The following TJP1 variants were observed in gnomAD, a reference collection of about 807,000 sequenced individuals.
The protein encoded by TJP1 is tight junction protein 1, also known as tight junction protein ZO-1.
In TJP1, 43 loss-of-function variants were observed where a neutral mutation model predicts 194.2. The observed-to-expected ratio is 0.22, with a 90% confidence interval of 0.17 to 0.29. TJP1 has a LOEUF of 0.29. TJP1 is among the 10% of genes least tolerant of loss of function. The pLI is 1.00. For missense variants in TJP1, 1,971 were observed against 2,185.7 expected, an observed-to-expected ratio of 0.90 and a Z score of 1.96; for synonymous variants, 801 against 779.0, an observed-to-expected ratio of 1.03 and a Z score of -0.47.
intron 27 of TJP1, among the ~76,000 whole-genome samples, chr15:29,703,004 G>A (rs2041650613): frequency 6.6e-6 from 1 of 152,192 alleles, no homozygotes. Context: ...TGAAAATGCA[G>A]TGGAAGCTTT....
chr15:29,795,153 G>A (rs1011596293), intron 2 of TJP1, among the ~76,000 whole-genome samples: 3 of 152,082 alleles, frequency 2.0e-5, no homozygotes, highest in African/African-American at 7.2e-5. Flanking sequence ...GTCAGGCATG[G>A]TGGCTCACGC....
intron 3 of TJP1, 107 bp from the exon 4 acceptor site, chr15:29,772,273 CAATT>C (rs949983896): frequency 2.6e-5 from 16 of 619,594 alleles, no homozygotes; most frequent in Non-Finnish European, 4.1e-5. Context: ...AATTATGAGC[CAATT>C]AATTAATTTC....
intron 5 of TJP1, among the ~76,000 whole-genome samples, chr15:29,763,980 G>C (rs1056185788): frequency 1.3e-5 from 2 of 152,074 alleles, no homozygotes; most frequent in Non-Finnish European, 2.9e-5. Context: ...ACTTATAAAT[G>C]ACCATTACAC....
chr15:29,756,403 A>T (rs1280298425), intron 8 of TJP1, among the ~76,000 whole-genome samples: 1 of 152,248 alleles, frequency 6.6e-6, no homozygotes, highest in Non-Finnish European at 1.5e-5. Context: ...AAGCATTTGG[A>T]AACTTTTTCT....
intron 1 of TJP1, among the ~76,000 whole-genome samples, chr15:29,804,454 T>C (rs952963374): frequency 2.0e-5 from 3 of 152,112 alleles, no homozygotes; most frequent in African/African-American, 7.2e-5. Context: ...TTAATGAGCA[T>C]TCCATAAAGA....
rs1174965429 is a variant in TJP1 at position 29,943,819 on chromosome 15, G to A, written c.306+12413C>T. 6.6e-5 allele frequency among the ~76,000 whole-genome samples: 10 copies of A among 150,756 alleles called. No individual in the cohort carries two copies. In the South Asian group the frequency reaches 8.4e-4, roughly 13 times the overall value. ...CAAAAATTACTGGGTATGGTGGCGC[G>A]CGCCTGTAGTCCTAGCTACTCAGGA... On this transcript the variant is annotated intron_variant, in intron 2 of 28. Coordinates refer to the TJP1 transcript ENST00000356107.
chr15:29,776,826 C>A (rs2047044909), intron 2 of TJP1, among the ~76,000 whole-genome samples: 1 of 152,096 alleles, frequency 6.6e-6, no homozygotes, highest in Non-Finnish European at 1.5e-5. Flanking sequence ...CTTATGGTGG[C>A]AGATAAAAAT....
chr15:29,931,228 T>C (rs1486324329), intron 2 of TJP1, among the ~76,000 whole-genome samples: 3 of 152,212 alleles, frequency 2.0e-5, no homozygotes, highest in Non-Finnish European at 2.9e-5. Context: ...TCATTCTTGT[T>C]GACTTCACAT....
At position 29,765,485 on chromosome 15, in the gene TJP1, T is replaced by G. The variant is rs78967283; in HGVS notation, c.589+781A>C. On this transcript the variant is annotated intron_variant, in intron 5 of 27. Coordinates refer to ENST00000614355, the MANE Select transcript of TJP1 (RefSeq NM_001330239.4). ...TTAATGAGGCATGAGGGAAAGCAGCTGAGTTTCAGTTTCAAAAACTTCAAA... is the reference window on the plus strand; with the variant it reads ...TTAATGAGGCATGAGGGAAAGCAGCGGAGTTTCAGTTTCAAAAACTTCAAA... 8.3e-4 allele frequency among the ~76,000 whole-genome samples: 126 copies of G among 152,260 alleles called. 2 individuals are homozygous for G. In the East Asian group the frequency reaches 0.023, roughly 28 times the overall value.
chr15:29,851,323 G>C (rs952850237), intron 2 of TJP1, among the ~76,000 whole-genome samples: 1 of 151,092 alleles, frequency 6.6e-6, no homozygotes, highest in Non-Finnish European at 1.5e-5. Flanking sequence ...GTCGTTATTA[G>C]TATAATAACC....
intron 4 of TJP1, among the ~76,000 whole-genome samples, chr15:29,771,558 C>A (rs2046679549): frequency 6.6e-6 from 1 of 152,080 alleles, no homozygotes; most frequent in South Asian, 2.1e-4. Context: ...GTAATCCCAG[C>A]ACTTTGGGAG....
rs2042075058 is a variant in TJP1 at position 29,708,946 on chromosome 15, G to T, written c.4463C>A (p.Pro1488Gln). The T allele has an allele frequency of 6.2e-7, 1 of 1,613,702 alleles. No individual in the cohort carries two copies. Among genetic ancestry groups the T allele is most frequent in the Admixed American group, 1.7e-5 (1 of 60,000 alleles). ...TGCCTGAGCAGTATCTTCTCGGTTTGGTGGTCTGAAAGTTGCTGGCTTATT... is the reference window on the plus strand; with the variant it reads ...TGCCTGAGCAGTATCTTCTCGGTTTTGTGGTCTGAAAGTTGCTGGCTTATT... ...SQNKPATFRP[P>Q]NREDTAQAAF... The change falls in exon 25 of 28, where the codon CCA (proline) becomes CAA (glutamine). Residue 1488 changes from proline to glutamine, a missense_variant. Pro to Gln is a moderately conservative substitution (Grantham distance 76). Around this residue, in one of 5 missense-constraint regions of TJP1, gnomAD observed 1,108 missense variants for 1,128.5 expected, o/e 0.98. Coordinates refer to ENST00000614355, the MANE Select transcript of TJP1 (RefSeq NM_001330239.4).
intron 2 of TJP1, among the ~76,000 whole-genome samples, chr15:29,788,039 T>C (rs1287896283): frequency 2.0e-5 from 3 of 152,222 alleles, no homozygotes; most frequent in African/African-American, 7.2e-5. Flanking sequence ...CTATACTTTT[T>C]GATATACATT....
chr15:29,958,609 T>C (rs1351242688), intron 1 of TJP1, among the ~76,000 whole-genome samples: 1 of 152,178 alleles, frequency 6.6e-6, no homozygotes, highest in Non-Finnish European at 1.5e-5. Context: ...GTTAGCTATA[T>C]ACACACATGT....
At chr15:29,802,757 T>G (rs1175479468) in intron 1 of TJP1, among the ~76,000 whole-genome samples, 2 of 152,214 alleles carry the variant, frequency 1.3e-5, no homozygotes, top group Admixed American at 1.3e-4. Context: ...GAATGAGAAC[T>G]GCTTGCATAG....
chr15:29,805,674 T>C (rs547770605), intron 1 of TJP1, among the ~76,000 whole-genome samples: 3 of 152,282 alleles, frequency 2.0e-5, no homozygotes, highest in African/African-American at 7.2e-5. Flanking sequence ...CAAAAATAAC[T>C]GCAGCTTTTG....
At chr15:29,868,438 T>C (rs1048524216) in intron 2 of TJP1, among the ~76,000 whole-genome samples, 2 of 152,218 alleles carry the variant, frequency 1.3e-5, no homozygotes, top group South Asian at 2.1e-4. Context: ...GGTCCACGCA[T>C]GCCTGTGTGG....
At chr15:29,850,056 C>G (rs1019151221) in intron 2 of TJP1, among the ~76,000 whole-genome samples, 1 of 152,174 alleles carries the variant, frequency 6.6e-6, no homozygotes, top group African/African-American at 2.4e-5. Context: ...TGGGGAAGAA[C>G]TGAGGCCTCC....
At chr15:29,842,182 G>T (rs2051250070) in intron 2 of TJP1, among the ~76,000 whole-genome samples, 1 of 152,108 alleles carries the variant, frequency 6.6e-6, no homozygotes, top group African/African-American at 2.4e-5. Flanking sequence ...TAGGTTCATT[G>T]ATATAAACAA....
Sources: allele counts gnomAD v4.1 joint callset (sites outside exome capture counted in the v4.1 genomes callset), GRCh38; gene constraint gnomAD v4.1.1; regional missense constraint gnomAD v4.1.1; transcripts MANE v1.5; gene names NCBI Gene and HGNC (gene_info 2026-07-23, HGNC 2026-07-21).